Variants in PARD3 observed in about 807,000 individuals in gnomAD.
PARD3 encodes partitioning defective 3 homolog.
PARD3 carries 75 observed loss-of-function variants against 155.4 expected under a neutral mutation model. The observed-to-expected ratio is 0.48, with a 90% confidence interval of 0.40 to 0.58. The LOEUF is 0.58. Ranked by LOEUF, PARD3 falls within the 20% of genes least tolerant of loss-of-function variation. The pLI, the probability that PARD3 is intolerant of heterozygous loss-of-function variation, is 0.00. For missense variants in PARD3, 1,642 were observed against 1,721.7 expected (o/e 0.95, Z 0.82); for synonymous variants, 576 against 610.5 (o/e 0.94, Z 0.83).
At position 34,344,358 on chromosome 10, in the gene PARD3, A is replaced by G. The variant is rs568391803; in HGVS notation, c.2219-2542T>C. 47 of 842,440 alleles carry G rather than the reference A, an allele frequency of 5.6e-5. No individual in the cohort carries two copies. In the East Asian group the frequency reaches 4.1e-3, roughly 73 times the overall value. The allele number at this position is 842,440 out of a possible 1,614,324, so 52.2% of individuals were successfully genotyped here. A position where few individuals can be genotyped will look rare whatever the true frequency, so the allele number is the denominator to read the frequency against. ...AGTGCTGTGGTACGATTTCAGCTCA[A>G]TGCAAGCTCTGCCTCCTGGGTTTAA... On this transcript the variant is annotated intron_variant, in intron 15 of 24. Coordinates refer to ENST00000374788, the MANE Select transcript of PARD3 (RefSeq NM_001184785.2).
At chr10:34,661,588 C>T (rs55735806) in intron 2 of PARD3, among the ~76,000 whole-genome samples, 11,162 of 152,088 alleles carry the variant, frequency 0.073, 543 homozygotes, top group Non-Finnish European at 0.11. Context: ...TTAGTAGAGC[C>T]GGATGTTTTA....
intron 20 of PARD3, chr10:34,312,305 C>A: frequency 6.2e-7 from 1 of 1,605,892 alleles, no homozygotes; most frequent in Non-Finnish European, 8.5e-7. Context: ...AAAACAACAA[C>A]TGTGCAATAT....
At chr10:34,788,578 T>C (rs1193863371) in intron 1 of PARD3, among the ~76,000 whole-genome samples, 1 of 152,018 alleles carries the variant, frequency 6.6e-6, no homozygotes, top group Non-Finnish European at 1.5e-5. Context: ...GCCTCCCAAG[T>C]AGCTGGGACT....
chr10:34,179,140 T>A (rs185725946), intron 22 of PARD3, among the ~76,000 whole-genome samples: 17 of 151,836 alleles, frequency 1.1e-4, no homozygotes, highest in Non-Finnish European at 1.6e-4. Flanking sequence ...ATATAGGGAA[T>A]TCATTTATAG....
At chr10:34,117,521 G>A (rs1340219383) in intron 24 of PARD3, among the ~76,000 whole-genome samples, 1 of 152,206 alleles carries the variant, frequency 6.6e-6, no homozygotes, top group Non-Finnish European at 1.5e-5. Flanking sequence ...TTCTTCAAGT[G>A]CTTAGGCATT....
At chr10:34,594,764 C>T (rs1396387326) in intron 2 of PARD3, among the ~76,000 whole-genome samples, 1 of 152,042 alleles carries the variant, frequency 6.6e-6, no homozygotes, top group Non-Finnish European at 1.5e-5. Context: ...CCAGAGAGCT[C>T]AAGGCTATAG....
chr10:34,484,900 C>T (rs1034246290), intron 3 of PARD3, among the ~76,000 whole-genome samples: 11 of 152,208 alleles, frequency 7.2e-5, no homozygotes, highest in Non-Finnish European at 1.0e-4. Context: ...GCTGCCAGAT[C>T]GTGTCATTGT....
intron 4 of PARD3, among the ~76,000 whole-genome samples, chr10:34,459,599 A>ATTT (rs2077519432): frequency 6.6e-6 from 1 of 152,204 alleles, no homozygotes; most frequent in African/African-American, 2.4e-5. Flanking sequence ...TGCTAGACAG[A>ATTT]AAGGGAGAGA....
intron 2 of PARD3, among the ~76,000 whole-genome samples, chr10:34,571,038 G>A (rs553954753): frequency 3.3e-4 from 51 of 152,260 alleles, no homozygotes; most frequent in Admixed American, 1.8e-3. Context: ...TCGACTGGGC[G>A]TAGTAACTCA....
chr10:34,404,061 C>T (rs1229317623), intron 5 of PARD3, among the ~76,000 whole-genome samples: 2 of 152,186 alleles, frequency 1.3e-5, no homozygotes, highest in African/African-American at 4.8e-5. Flanking sequence ...ATTGTTCCCA[C>T]AGTGGCCATT....
chr10:34,565,470 T>A, intron 2 of PARD3, among the ~76,000 whole-genome samples: 1 of 151,898 alleles, frequency 6.6e-6, no homozygotes, highest in Non-Finnish European at 1.5e-5. Context: ...TTTCACCATG[T>A]TGGCCATACT....
chr10:34,530,416 T>C (rs541002454), intron 2 of PARD3, among the ~76,000 whole-genome samples: 1 of 152,322 alleles, frequency 6.6e-6, no homozygotes, highest in East Asian at 1.9e-4. Context: ...TGGCACTGCT[T>C]CGTCTCTGTC....
chr10:34,126,920 C>A (rs1298419330), intron 23 of PARD3, among the ~76,000 whole-genome samples: 2 of 152,008 alleles, frequency 1.3e-5, no homozygotes, highest in African/African-American at 4.8e-5. Context: ...TCCCTGCTCA[C>A]TCATTACCGG....
At chr10:34,168,310 G>A (rs1021938901) in intron 22 of PARD3, among the ~76,000 whole-genome samples, 6 of 152,170 alleles carry the variant, frequency 3.9e-5, no homozygotes, top group African/African-American at 1.4e-4. Flanking sequence ...CTCCCTTGCT[G>A]CGTACTTTGA....
At chr10:34,243,607 G>C (rs376512370) in intron 22 of PARD3, among the ~76,000 whole-genome samples, 1 of 152,176 alleles carries the variant, frequency 6.6e-6, no homozygotes. Flanking sequence ...GGAGGCCAAG[G>C]TGGATGGATC....
chr10:34,766,974 G>A (rs1321484112), intron 1 of PARD3, among the ~76,000 whole-genome samples: 1 of 152,140 alleles, frequency 6.6e-6, no homozygotes, highest in East Asian at 1.9e-4. Flanking sequence ...AGGCATCCCA[G>A]GGAGAAGAGG....
At chr10:34,159,669 TA>T (rs1398311776) in intron 22 of PARD3, among the ~76,000 whole-genome samples, 1 of 152,246 alleles carries the variant, frequency 6.6e-6, no homozygotes, top group Non-Finnish European at 1.5e-5. Flanking sequence ...TCCATTAGTG[TA>T]TCTACAACAA....
intron 6 of PARD3, among the ~76,000 whole-genome samples, chr10:34,399,621 C>A (rs758831685): frequency 1.3e-5 from 2 of 152,160 alleles, no homozygotes; most frequent in African/African-American, 2.4e-5. Context: ...ACACTACATA[C>A]CTGAACACTA....
At chr10:34,288,190 G>A (rs949709529) in intron 20 of PARD3, among the ~76,000 whole-genome samples, 1 of 152,112 alleles carries the variant, frequency 6.6e-6, no homozygotes, top group African/African-American at 2.4e-5. Flanking sequence ...CAGCCTGGGT[G>A]ACAGAGTAAG....
Sources: allele counts gnomAD v4.1 joint callset (sites outside exome capture counted in the v4.1 genomes callset), GRCh38; gene constraint gnomAD v4.1.1; transcripts MANE v1.5; gene names NCBI Gene and HGNC (gene_info 2026-07-23, HGNC 2026-07-21).